CNTNAP5: variants seen among roughly 807,000 people sequenced by gnomAD.
The protein encoded by CNTNAP5 is contactin-associated protein-like 5.
In CNTNAP5, 72 loss-of-function variants were observed where a neutral mutation model predicts 150.2. The observed-to-expected ratio is 0.48, with a 90% confidence interval of 0.40 to 0.58. The LOEUF (loss-of-function observed/expected upper bound fraction) is 0.58. CNTNAP5 is among the 20% of genes least tolerant of loss of function. CNTNAP5 has a pLI of 0.00. For missense variants in CNTNAP5, 1,636 were observed against 1,626.2 expected (o/e 1.01, Z -0.10); for synonymous variants, 672 against 619.8 (o/e 1.08, Z -1.25).
At chr2:124,408,828 C>T (rs987558548) in intron 3 of CNTNAP5, among the ~76,000 whole-genome samples, 2 of 152,130 alleles carry the variant, frequency 1.3e-5, no homozygotes, top group Non-Finnish European at 2.9e-5. Flanking sequence ...ATGCAGAGCT[C>T]CTCTCCTCCT....
chr2:124,257,043 T>G (rs1243991057), intron 3 of CNTNAP5, among the ~76,000 whole-genome samples: 1 of 152,086 alleles, frequency 6.6e-6, no homozygotes, highest in Non-Finnish European at 1.5e-5. Context: ...GCAATGCATA[T>G]ACAACCCACG....
intron 3 of CNTNAP5, among the ~76,000 whole-genome samples, chr2:124,370,010 C>T (rs1289430959): frequency 1.3e-5 from 2 of 152,074 alleles, no homozygotes; most frequent in Non-Finnish European, 2.9e-5. Context: ...AATGCAATTA[C>T]CACACAATAT....
intron 13 of CNTNAP5, among the ~76,000 whole-genome samples, chr2:124,706,814 AG>A (rs1405804876): frequency 2.3e-4 from 2 of 8,868 alleles, no homozygotes; most frequent in African/African-American, 7.5e-4. Context: ...GAGGAGGAGG[AG>A]GAGGAGGAGG....
intron 19 of CNTNAP5, among the ~76,000 whole-genome samples, chr2:124,862,392 C>T (rs1677544746): frequency 6.6e-6 from 1 of 152,180 alleles, no homozygotes; most frequent in Non-Finnish European, 1.5e-5. Flanking sequence ...TTCCCTCTGA[C>T]AATTCACTGT....
chr2:124,404,015 C>A (rs772185351), intron 3 of CNTNAP5, among the ~76,000 whole-genome samples: 31 of 152,292 alleles, frequency 2.0e-4, no homozygotes, highest in Non-Finnish European at 4.0e-4. Context: ...CCTCTCATGA[C>A]AGGTGGGGGT....
chr2:124,060,533 T>C (rs1299439342), intron 1 of CNTNAP5, among the ~76,000 whole-genome samples: 1 of 152,208 alleles, frequency 6.6e-6, no homozygotes, highest in Non-Finnish European at 1.5e-5. Flanking sequence ...ACAAGTATTC[T>C]ATTTGTGGGT....
chr2:124,856,321 T>C (rs1677373089), intron 19 of CNTNAP5, among the ~76,000 whole-genome samples: 1 of 152,202 alleles, frequency 6.6e-6, no homozygotes, highest in South Asian at 2.1e-4. Flanking sequence ...GTATCTTTCT[T>C]GTATAATGAC....
rs957617317 is a variant in CNTNAP5 at position 124,909,363 on chromosome 2, C to T, written c.3656-2104C>T. 1.2e-4 allele frequency among the ~76,000 whole-genome samples: 18 copies of T among 152,266 alleles called. No homozygotes were observed. The East Asian group carries it at 3.5e-3, about 30-fold the overall frequency. Reference sequence around the variant, plus strand: ...AGCCTGGGGGCAATAGTCTATACTACATGTACAGCCTAGGTGTGTCATAGG... The same window carrying T: ...AGCCTGGGGGCAATAGTCTATACTATATGTACAGCCTAGGTGTGTCATAGG... On this transcript the variant is annotated intron_variant, in intron 22 of 23. Transcript: ENST00000682447.
chr2:124,788,965 A>G (rs1268754943), intron 17 of CNTNAP5, among the ~76,000 whole-genome samples: 1 of 151,770 alleles, frequency 6.6e-6, no homozygotes, highest in Non-Finnish European at 1.5e-5. Context: ...CTCACCACAC[A>G]CCCACACAAT....
rs114369197 is a variant in CNTNAP5 at position 124,626,824 on chromosome 2, C to T, written c.1876+16904C>T. On this transcript the variant is annotated intron_variant, in intron 12 of 23. Coordinates refer to ENST00000682447, the MANE Select transcript of CNTNAP5 (RefSeq NM_001367498.1). ...AACCACTAGCTTGAAATCCCCGCTG[C>T]CAGCACAGCAGTCTGGAGTTGGCCT... is the stretch of plus-strand genomic sequence containing the variant. Among the ~76,000 whole-genome samples the T allele has an allele frequency of 2.8e-3, 431 of 152,228 alleles. 2 individuals are homozygous for T. The highest frequency in any genetic ancestry group is 9.8e-3 in the African/African-American group (406 of 41,554).
chr2:124,751,909 G>T lies in CNTNAP5; in HGVS notation c.2234+4524G>T, dbSNP rs78621304. Among the ~76,000 whole-genome samples, 162 of 152,216 alleles carry T rather than the reference G, an allele frequency of 1.1e-3. 1 individual carries two copies. The East Asian group carries it at 0.025, about 23-fold the overall frequency. Reference sequence around the variant, plus strand: ...AACATCTCAATAACTCTTGAGGTTGGTTTTATTATTTCTTTTCCCCAGAAA... The same window carrying T: ...AACATCTCAATAACTCTTGAGGTTGTTTTTATTATTTCTTTTCCCCAGAAA... On this transcript the variant is annotated intron_variant, in intron 14 of 23. Coordinates refer to ENST00000682447, the MANE Select transcript of CNTNAP5 (RefSeq NM_001367498.1).
At chr2:124,780,849 T>A (rs1323219993) in intron 17 of CNTNAP5, among the ~76,000 whole-genome samples, 1 of 152,234 alleles carries the variant, frequency 6.6e-6, no homozygotes, top group African/African-American at 2.4e-5. Context: ...GCCACTGACC[T>A]TCTCTTGGTC....
chr2:124,773,309 T>A (rs1419883561), intron 17 of CNTNAP5, among the ~76,000 whole-genome samples: 1 of 152,174 alleles, frequency 6.6e-6, no homozygotes, highest in African/African-American at 2.4e-5. Flanking sequence ...TACATCATTG[T>A]AATATAAATC....
At chr2:124,882,075 C>T (rs1181783910) in intron 21 of CNTNAP5, among the ~76,000 whole-genome samples, 3 of 152,046 alleles carry the variant, frequency 2.0e-5, no homozygotes, top group Non-Finnish European at 4.4e-5. Context: ...AAAACCAGCA[C>T]AGCCTGTCGC....
At chr2:124,533,532 A>C (rs1262989557) in intron 10 of CNTNAP5, among the ~76,000 whole-genome samples, 2 of 152,052 alleles carry the variant, frequency 1.3e-5, no homozygotes, top group Non-Finnish European at 2.9e-5. Context: ...TGTGGAGGAG[A>C]GGGATGGTTC....
At chr2:124,194,336 A>T (rs1017472912) in intron 1 of CNTNAP5, among the ~76,000 whole-genome samples, 2 of 135,786 alleles carry the variant, frequency 1.5e-5, no homozygotes, top group Non-Finnish European at 3.2e-5. Flanking sequence ...ACAAAACTCA[A>T]ATTGCACATA....
At chr2:124,553,564 CA>C (rs61499451) in intron 10 of CNTNAP5, among the ~76,000 whole-genome samples, 1 of 149,898 alleles carries the variant, frequency 6.7e-6, no homozygotes, top group African/African-American at 2.5e-5. Context: ...TATGCAGTCT[CA>C]AAAAAAAGAA....
intron 1 of CNTNAP5, among the ~76,000 whole-genome samples, chr2:124,029,386 T>C (rs985859257): frequency 6.6e-6 from 1 of 152,228 alleles, no homozygotes; most frequent in Non-Finnish European, 1.5e-5. Flanking sequence ...AATGCTCATT[T>C]GGAAGAGTCC....
chr2:124,600,769 A>AGAGAGAG (rs1558699440), intron 11 of CNTNAP5, among the ~76,000 whole-genome samples: 5 of 101,774 alleles, frequency 4.9e-5, no homozygotes, highest in Non-Finnish European at 6.7e-5. Flanking sequence ...GAGAGAGAGA[A>AGAGAGAG]AGAGAGAGAA....
Sources: allele counts gnomAD v4.1 joint callset (sites outside exome capture counted in the v4.1 genomes callset), GRCh38; gene constraint gnomAD v4.1.1; transcripts MANE v1.5; gene names NCBI Gene and HGNC (gene_info 2026-07-23, HGNC 2026-07-21).